The following THADA variants were observed in gnomAD, a reference collection of about 807,000 sequenced individuals.
The protein encoded by THADA is tRNA (32-2'-O)-methyltransferase regulator THADA.
THADA carries 213 observed loss-of-function variants against 219.8 expected under a neutral mutation model. That is an observed-to-expected ratio of 0.97 (90% confidence interval 0.87 to 1.09). The LOEUF is 1.09. THADA is among the 50% of genes least tolerant of loss of function. The pLI is 0.00. For synonymous variants in THADA, 1,018 were observed against 828.9 expected (o/e 1.23, Z -3.92); for missense variants, 2,956 against 2,311.3 (o/e 1.28, Z -5.72).
At chr2:43,463,939 T>G (rs912813422) in intron 26 of THADA, among the ~76,000 whole-genome samples, 1 of 152,204 alleles carries the variant, frequency 6.6e-6, no homozygotes, top group South Asian at 2.1e-4. Context: ...AAGAATAAAC[T>G]GATCTCTATT....
chr2:43,288,401 G>A (rs1415923646), intron 34 of THADA, among the ~76,000 whole-genome samples: 1 of 152,262 alleles, frequency 6.6e-6, no homozygotes, highest in East Asian at 1.9e-4. Flanking sequence ...CTGGGAGACA[G>A]AATGAGACTC....
chr2:43,542,445 T>A (rs1313182058), intron 20 of THADA, among the ~76,000 whole-genome samples: 1 of 152,132 alleles, frequency 6.6e-6, no homozygotes, highest in Non-Finnish European at 1.5e-5. Flanking sequence ...GTGGAGATAA[T>A]TTTTTGCAAG....
At chr2:43,253,613 T>C (rs1558471930) in intron 36 of THADA, among the ~76,000 whole-genome samples, 1 of 152,158 alleles carries the variant, frequency 6.6e-6, no homozygotes, top group Non-Finnish European at 1.5e-5. Flanking sequence ...GTCTTCGTTA[T>C]TCCCTTTGCT....
At position 43,590,884 on chromosome 2, in the gene THADA, A is replaced by C; in HGVS notation, c.242T>G (p.Ile81Ser). 1 of 1,613,840 alleles carries C rather than the reference A, an allele frequency of 6.2e-7. No individual in the cohort carries two copies. The highest frequency in any genetic ancestry group is 8.5e-7 in the Non-Finnish European group (1 of 1,179,768). Reference sequence around the variant, plus strand: ...CAAAGAAAGATAAATGCCTGCTAAGATATCCAAACAACTTTGAATAGTGGG... The same window carrying C: ...CAAAGAAAGATAAATGCCTGCTAAGCTATCCAAACAACTTTGAATAGTGGG... Reference protein sequence around the residue: ...CDPTIQSCLDILAGIYLSLSL... With the variant: ...CDPTIQSCLDSLAGIYLSLSL... Residue 81 changes from isoleucine to serine, a missense_variant, in exon 4 of 38, where the codon ATC (isoleucine) becomes AGC (serine). Ile to Ser is a moderately radical substitution (Grantham distance 142). Transcript: ENST00000405975.
intron 26 of THADA, among the ~76,000 whole-genome samples, chr2:43,456,468 C>G (rs555005172): frequency 1.3e-4 from 20 of 152,110 alleles, no homozygotes; most frequent in African/African-American, 3.9e-4. Context: ...AGGTCTAGAA[C>G]CAGCCTGACC....
At chr2:43,365,566 G>GACACAC (rs375762944) in intron 29 of THADA, among the ~76,000 whole-genome samples, 12,999 of 143,480 alleles carry the variant, frequency 0.091, 624 homozygotes, top group African/African-American at 0.11. Flanking sequence ...GCAAGACTCT[G>GACACAC]ACACACACAC....
intron 21 of THADA, among the ~76,000 whole-genome samples, chr2:43,530,163 T>C (rs1447749354): frequency 6.6e-6 from 1 of 152,186 alleles, no homozygotes; most frequent in Non-Finnish European, 1.5e-5. Context: ...TAAAAAAAAT[T>C]CTAACTCTTT....
intron 31 of THADA, among the ~76,000 whole-genome samples, chr2:43,312,096 G>A (rs1439444333): frequency 6.6e-6 from 1 of 152,084 alleles, no homozygotes; most frequent in East Asian, 1.9e-4. Flanking sequence ...GCATGCGCCT[G>A]TGGTCCCAGC....
At chr2:43,497,680 T>C (rs1376347851) in intron 25 of THADA, among the ~76,000 whole-genome samples, 3 of 151,878 alleles carry the variant, frequency 2.0e-5, no homozygotes, top group Admixed American at 6.6e-5. Context: ...AGGTCAGGAG[T>C]TCGAGACCAG....
intron 26 of THADA, among the ~76,000 whole-genome samples, chr2:43,446,718 G>T (rs1681610412): frequency 6.6e-6 from 1 of 152,188 alleles, no homozygotes; most frequent in South Asian, 2.1e-4. Flanking sequence ...TTGAAACACA[G>T]TTATAATACT....
At chr2:43,522,579 C>T (rs1441804552) in intron 22 of THADA, among the ~76,000 whole-genome samples, 1 of 152,122 alleles carries the variant, frequency 6.6e-6, no homozygotes, top group Non-Finnish European at 1.5e-5. Flanking sequence ...ACTTAAAAAG[C>T]TGGCATAGAG....
chr2:43,556,284 T>C, intron 17 of THADA, 61 bp downstream of exon 17: 5 of 1,583,754 alleles, frequency 3.2e-6, no homozygotes, highest in Non-Finnish European at 4.3e-6. Context: ...TTAGATATTC[T>C]AACCAAATGA....
intron 36 of THADA, among the ~76,000 whole-genome samples, chr2:43,248,206 G>GAC: frequency 7.5e-6 from 1 of 133,800 alleles, no homozygotes; most frequent in East Asian, 2.2e-4. Context: ...GAGAGAGAGA[G>GAC]AGAGAGAGAC....
At chr2:43,285,657 G>A (rs750072384) in intron 35 of THADA, among the ~76,000 whole-genome samples, 24 of 150,618 alleles carry the variant, frequency 1.6e-4, no homozygotes, top group Non-Finnish European at 2.8e-4. Context: ...TCTGCCTCCC[G>A]GGTTCAAGCA....
At chr2:43,541,378 A>C (rs1695289424) in intron 20 of THADA, 62 bp from the exon 21 acceptor site, 1 of 1,582,262 alleles carries the variant, frequency 6.3e-7, no homozygotes, top group Admixed American at 1.8e-5. Context: ...GTTTCTAAAA[A>C]CAAGCTTATT....
chr2:43,301,754 G>A (rs1000714206), intron 31 of THADA, among the ~76,000 whole-genome samples: 1 of 152,194 alleles, frequency 6.6e-6, no homozygotes, highest in Non-Finnish European at 1.5e-5. Context: ...TAGCAGTCTA[G>A]TTTTAAAGTG....
intron 21 of THADA, among the ~76,000 whole-genome samples, chr2:43,536,411 T>C (rs540083395): frequency 5.3e-4 from 81 of 152,276 alleles, no homozygotes; most frequent in African/African-American, 1.7e-3. Flanking sequence ...TTTAATAACA[T>C]ACATCTCAGG....
intron 10 of THADA, among the ~76,000 whole-genome samples, chr2:43,575,898 T>C (rs1385080681): frequency 1.3e-5 from 2 of 152,188 alleles, no homozygotes; most frequent in Non-Finnish European, 2.9e-5. Context: ...GAATGGGGCT[T>C]CTCTGTGATA....
chr2:43,232,155 A>G (rs539621614), intron 37 of THADA, among the ~76,000 whole-genome samples: 49 of 152,166 alleles, frequency 3.2e-4, no homozygotes, highest in Non-Finnish European at 6.8e-4. Context: ...CTCCGCATCC[A>G]GGGGCTTCTT....
Sources: gnomAD v4.1 joint callset for allele counts (sites outside exome capture counted in the v4.1 genomes callset) on GRCh38, gnomAD v4.1.1 for gene constraint, MANE v1.5 for transcripts, NCBI Gene and HGNC (gene_info 2026-07-23, HGNC 2026-07-21) for gene names.